NTN4: variants seen among roughly 807,000 people sequenced by gnomAD.
NTN4 encodes netrin 4, also known as netrin-4.
A neutral mutation model predicts 73.6 loss-of-function variants in NTN4; 32 were observed. That is an observed-to-expected ratio of 0.44 (90% CI 0.33 to 0.58). The LOEUF (loss-of-function observed/expected upper bound fraction) is 0.58, where lower values mean the gene tolerates loss of function less well. Ranked by LOEUF, NTN4 falls within the 20% of genes least tolerant of loss-of-function variation. The pLI, the probability that NTN4 is intolerant of heterozygous loss-of-function variation, is 0.04. For synonymous variants in NTN4, 258 were observed against 287.5 expected (o/e 0.90, Z 1.04); for missense variants, 654 against 798.3 (o/e 0.82, Z 2.18).
intron 9 of NTN4, among the ~76,000 whole-genome samples, chr12:95,659,589 C>T (rs1038393058): frequency 2.9e-4 from 44 of 151,910 alleles, no homozygotes; most frequent in African/African-American, 1.0e-3. Flanking sequence ...TGAGCCACCA[C>T]GCCTGCCTGA....
chr12:95,725,559 C>T (rs2078687561), intron 3 of NTN4, among the ~76,000 whole-genome samples: 1 of 152,078 alleles, frequency 6.6e-6, no homozygotes, highest in African/African-American at 2.4e-5. Flanking sequence ...TCCCTTCTTT[C>T]TTGACAGCAC....
At chr12:95,770,058 G>A (rs1299067366) in intron 2 of NTN4, among the ~76,000 whole-genome samples, 1 of 152,118 alleles carries the variant, frequency 6.6e-6, no homozygotes, top group Non-Finnish European at 1.5e-5. Context: ...CTCCCGGCGG[G>A]TTTTCAATCT....
chr12:95,672,239 G>GGC (rs1392164818), intron 7 of NTN4: 2 of 622,176 alleles, frequency 3.2e-6, no homozygotes, highest in East Asian at 5.8e-5. Context: ...GGGAGGCGGG[G>GGC]GCAGGGGGCG....
At chr12:95,736,934 A>G (rs887148205) in intron 3 of NTN4, among the ~76,000 whole-genome samples, 4 of 152,170 alleles carry the variant, frequency 2.6e-5, no homozygotes, top group Non-Finnish European at 4.4e-5. Context: ...AGGGATGTCT[A>G]TCCTTTAGGA....
chr12:95,749,279 A>C (rs1257738235), intron 2 of NTN4, among the ~76,000 whole-genome samples: 2 of 152,212 alleles, frequency 1.3e-5, no homozygotes, highest in African/African-American at 2.4e-5. Flanking sequence ...ATGGACGCGC[A>C]TGAAATTTGG....
At chr12:95,708,389 G>A (rs2078537279) in intron 5 of NTN4, among the ~76,000 whole-genome samples, 2 of 151,464 alleles carry the variant, frequency 1.3e-5, no homozygotes, top group South Asian at 2.1e-4. Context: ...CCGGGTTCAC[G>A]CCATTCTCCT....
intron 2 of NTN4, among the ~76,000 whole-genome samples, chr12:95,773,025 T>C: frequency 6.6e-6 from 1 of 151,680 alleles, no homozygotes; most frequent in South Asian, 2.1e-4. Flanking sequence ...TTTTTTGAGA[T>C]GGAGTTTCAC....
At chr12:95,675,624 T>G (rs1425740103) in intron 7 of NTN4, among the ~76,000 whole-genome samples, 1 of 152,168 alleles carries the variant, frequency 6.6e-6, no homozygotes, top group African/African-American at 2.4e-5. Context: ...TAGATATTTA[T>G]CTCTGTGGAC....
intron 5 of NTN4, among the ~76,000 whole-genome samples, chr12:95,697,214 T>C (rs77816401): frequency 0.026 from 3,980 of 152,064 alleles, 162 homozygotes; most frequent in African/African-American, 0.089. Flanking sequence ...TCTAACTTGA[T>C]AGGGGACATT....
intron 3 of NTN4, among the ~76,000 whole-genome samples, chr12:95,732,318 T>C (rs1167566176): frequency 6.6e-6 from 1 of 151,826 alleles, no homozygotes; most frequent in Non-Finnish European, 1.5e-5. Flanking sequence ...AATAACTTTA[T>C]CGTTTTTAAA....
chr12:95,722,805 T>C (rs2078658943), intron 3 of NTN4, among the ~76,000 whole-genome samples: 1 of 151,854 alleles, frequency 6.6e-6, no homozygotes, highest in African/African-American at 2.4e-5. Flanking sequence ...TGAAACTCTG[T>C]CTCTACGAAA....
At chr12:95,675,995 C>G (rs2078270553) in intron 7 of NTN4, among the ~76,000 whole-genome samples, 1 of 152,208 alleles carries the variant, frequency 6.6e-6, no homozygotes, top group South Asian at 2.1e-4. Flanking sequence ...AATTATGTAG[C>G]TAGTCCTTAA....
At chr12:95,726,752 C>T (rs1450696613) in intron 3 of NTN4, among the ~76,000 whole-genome samples, 1 of 152,110 alleles carries the variant, frequency 6.6e-6, no homozygotes, top group African/African-American at 2.4e-5. Context: ...CACCTGAGGT[C>T]AGGAGTTCGA....
chr12:95,746,587 G>A (rs1369938786), intron 2 of NTN4, among the ~76,000 whole-genome samples: 1 of 152,156 alleles, frequency 6.6e-6, no homozygotes, highest in East Asian at 1.9e-4. Context: ...TAGTTTTCTT[G>A]CATATGTGTT....
chr12:95,734,993 C>T (rs6538668), intron 3 of NTN4, among the ~76,000 whole-genome samples: 54,366 of 152,004 alleles, frequency 0.36, 10,656 homozygotes, highest in African/African-American at 0.52. Context: ...GAGCCAAGAT[C>T]GTGCCATTGC....
At position 95,745,498 on chromosome 12, in the gene NTN4, C is replaced by CT. The variant is rs371044807; in HGVS notation, c.586-7355dup. On this transcript the variant is annotated intron_variant, in intron 2 of 9. Transcript: ENST00000343702. Reference sequence around the variant, plus strand: ...AGAATCTTCAAAAATGGTCATTCAACTTTTTTTTGCTATCTTTTCCTTGCC... The same window carrying CT: ...AGAATCTTCAAAAATGGTCATTCAACTTTTTTTTTGCTATCTTTTCCTTGCC... Among the ~76,000 whole-genome samples, 30 of 152,114 alleles carry CT rather than the reference C, an allele frequency of 2.0e-4. 1 individual carries two copies. Among genetic ancestry groups the CT allele is most frequent in the African/African-American group, 7.2e-4 (30 of 41,504 alleles).
intron 5 of NTN4, among the ~76,000 whole-genome samples, chr12:95,709,540 CTT>C (rs63616060): frequency 6.3e-4 from 87 of 137,094 alleles, no homozygotes; most frequent in African/African-American, 2.2e-3. Context: ...CTCTCTCTCT[CTT>C]TTTTTTTTTT....
chr12:95,689,078 C>T (rs1010143080), intron 5 of NTN4, among the ~76,000 whole-genome samples: 4 of 152,136 alleles, frequency 2.6e-5, no homozygotes, highest in African/African-American at 7.2e-5. Context: ...CTTCCCCCCA[C>T]GCCCCTCCCC....
chr12:95,703,642 C>T (rs1260538371), intron 5 of NTN4, among the ~76,000 whole-genome samples: 3 of 152,152 alleles, frequency 2.0e-5, no homozygotes, highest in South Asian at 2.1e-4. Flanking sequence ...AATTTCCCCT[C>T]ACATAATTTC....
Sources: allele counts gnomAD v4.1 joint callset (sites outside exome capture counted in the v4.1 genomes callset), GRCh38; gene constraint gnomAD v4.1.1; transcripts MANE v1.5; gene names NCBI Gene and HGNC (gene_info 2026-07-23, HGNC 2026-07-21).